Variants in TTC4 observed in about 807,000 individuals in gnomAD.
TTC4 encodes hsp70/Hsp90 co-chaperone CNS1 homolog.
A neutral mutation model predicts 51.9 loss-of-function variants in TTC4; 36 were observed. The observed-to-expected ratio is 0.69, with a 90% CI of 0.53 to 0.92. The LOEUF (loss-of-function observed/expected upper bound fraction) is 0.92, where lower values mean the gene tolerates loss of function less well. Among genes scored for constraint, TTC4 ranks in the 40% least tolerant of loss-of-function variants. The probability of loss-of-function intolerance (pLI) is 0.00; values close to 1 mark genes in which losing one functional copy is unlikely to be tolerated. For missense variants in TTC4, 399 were observed against 454.6 expected (o/e 0.88, Z 1.11); for synonymous variants, 144 against 164.2 (o/e 0.88, Z 0.94).
At chr1:54,733,060 C>G (rs766976944) in intron 7 of TTC4, among the ~76,000 whole-genome samples, 1 of 151,342 alleles carries the variant, frequency 6.6e-6, no homozygotes, top group Non-Finnish European at 1.5e-5. Flanking sequence ...GTACTCCACA[C>G]TCCAGCCTTG....
In TTC4 at chr1:54,722,715, C is replaced by A. The variant is rs1450089129; in HGVS notation, c.510C>A (p.Ala170=). 1.9e-6 allele frequency: 3 copies of A among 1,613,766 alleles called. No homozygotes were observed. Among genetic ancestry groups the A allele is most frequent in the East Asian group, 4.5e-5 (2 of 44,864 alleles). The change falls in exon 5 of 10, where the codon GCC becomes GCA. Residue 170 remains alanine (A), a synonymous_variant. Transcript: ENST00000371281. ...TGGAACTGAAACACTTTGCCGAGGC[C>A]GTGAACTGGTGTGATGAGGGACTGC... ...CHLELKHFAE[A]VNWCDEGLQI... is the part of the protein sequence containing the mutation.
intron 5 of TTC4, among the ~76,000 whole-genome samples, chr1:54,724,957 C>T (rs1045652138): frequency 3.9e-5 from 6 of 152,192 alleles, no homozygotes; most frequent in Non-Finnish European, 7.3e-5. Context: ...GTAAGAACAG[C>T]AAGCTTTGTG....
intron 9 of TTC4, among the ~76,000 whole-genome samples, chr1:54,738,660 C>CTTTTTTTTT (rs1645976237): frequency 7.7e-6 from 1 of 130,066 alleles, no homozygotes; most frequent in South Asian, 2.8e-4. Context: ...GCTAGGATGG[C>CTTTTTTTTT]CTTTTTTTTT....
At chr1:54,722,856 C>A in intron 5 of TTC4, 57 bp downstream of exon 5, 1 of 1,591,698 alleles carries the variant, frequency 6.3e-7, no homozygotes, top group Non-Finnish European at 8.5e-7. Context: ...TTAGCATTCC[C>A]AAGATTGTGT....
At chr1:54,716,170 G>T (rs76010054) in intron 1 of TTC4, 151 bp downstream of exon 1, 18,945 of 664,876 alleles carry the variant, frequency 0.028, 1,019 homozygotes, top group East Asian at 0.14. Context: ...CGGCCTCGAG[G>T]TTTTGAGTCG....
chr1:54,717,736 A>T (rs1645693545), intron 3 of TTC4, 83 bp downstream of exon 3: 1 of 1,280,650 alleles, frequency 7.8e-7, no homozygotes. Context: ...ACATCAGAGG[A>T]TGAGGGGCTG....
intron 3 of TTC4, 60 bp from the exon 4 acceptor site, chr1:54,721,103 A>C: frequency 6.5e-7 from 1 of 1,534,722 alleles, no homozygotes; most frequent in South Asian, 1.1e-5. Context: ...ACTACATATA[A>C]AATTTTGGAA....
chr1:54,733,590 G>A (rs761352774), intron 7 of TTC4, 39 bp from the exon 8 acceptor site: 14 of 1,490,564 alleles, frequency 9.4e-6, no homozygotes, highest in African/African-American at 1.4e-5. Flanking sequence ...AATAGATCAT[G>A]AGTTATTGAT....
intron 9 of TTC4, among the ~76,000 whole-genome samples, chr1:54,740,364 G>A (rs567316904): frequency 6.6e-6 from 1 of 152,198 alleles, no homozygotes; most frequent in South Asian, 2.1e-4. Flanking sequence ...GGAAGGAAAG[G>A]TTTTTCCAGA....
At chr1:54,725,157 A>C (rs1327286455) in intron 5 of TTC4, among the ~76,000 whole-genome samples, 1 of 152,182 alleles carries the variant, frequency 6.6e-6, no homozygotes, top group Non-Finnish European at 1.5e-5. Flanking sequence ...GATCCCTGGA[A>C]GACCCCGCTC....
At chr1:54,730,699 T>C (rs1645854698) in intron 6 of TTC4, among the ~76,000 whole-genome samples, 1 of 152,172 alleles carries the variant, frequency 6.6e-6, no homozygotes, top group Admixed American at 6.5e-5. Flanking sequence ...AGACCCTTAA[T>C]TTATGCCCAT....
At chr1:54,729,178 G>A (rs1645835991) in intron 6 of TTC4, among the ~76,000 whole-genome samples, 1 of 152,170 alleles carries the variant, frequency 6.6e-6, no homozygotes, top group Non-Finnish European at 1.5e-5. Context: ...GCGTGGATGT[G>A]CTGGCCAAAG....
intron 6 of TTC4, among the ~76,000 whole-genome samples, chr1:54,730,280 CTTT>C (rs746084756): frequency 1.1e-4 from 14 of 133,190 alleles, no homozygotes; most frequent in Admixed American, 2.3e-4. Flanking sequence ...TGCATAAATC[CTTT>C]TTTTTTTTTT....
intron 8 of TTC4, among the ~76,000 whole-genome samples, chr1:54,735,589 T>C (rs1167708262): frequency 6.6e-6 from 1 of 152,180 alleles, no homozygotes; most frequent in Non-Finnish European, 1.5e-5. Context: ...TATCAGATGG[T>C]ACATAATCTC....
chr1:54,716,092 C>T (rs939511636), intron 1 of TTC4, 73 bp downstream of exon 1: 3 of 1,199,198 alleles, frequency 2.5e-6, no homozygotes, highest in African/African-American at 1.5e-5. Flanking sequence ...GGCTCTGGGG[C>T]ACCTCCTTCA....
At chr1:54,732,327 A>T (rs1234336753) in intron 7 of TTC4, among the ~76,000 whole-genome samples, 7 of 144,692 alleles carry the variant, frequency 4.8e-5, no homozygotes, top group Non-Finnish European at 6.0e-5. Flanking sequence ...TCTCAAAAAA[A>T]AAAAAAAATA....
chr1:54,733,733 C>A, intron 8 of TTC4, 23 bp downstream of exon 8: 1 of 1,386,364 alleles, frequency 7.2e-7, no homozygotes, highest in South Asian at 1.3e-5. Flanking sequence ...TTATTTCGTT[C>A]CTCTATGGAA....
intron 5 of TTC4, among the ~76,000 whole-genome samples, chr1:54,725,957 A>G (rs1645794006): frequency 6.6e-6 from 1 of 151,718 alleles, no homozygotes; most frequent in Non-Finnish European, 1.5e-5. Flanking sequence ...AATAAGGATG[A>G]AGAGAGACTT....
rs1221360161 is a variant in TTC4, at chr1:54,732,004, A to G, written c.896+304A>G. ...AATAGGAAGTCATTTTAGGTAATAC[A>G]TGCATAGCAATTTAAGTGAATATTA... is the stretch of plus-strand genomic sequence containing the variant. On this transcript the variant is annotated intron_variant, in intron 7 of 9. Transcript: ENST00000371281. Among the ~76,000 whole-genome samples, 6 of 152,132 alleles carry G rather than the reference A, an allele frequency of 3.9e-5. No individual in the cohort carries two copies. In the East Asian group the frequency reaches 9.6e-4, roughly 24 times the overall value.
Sources: gnomAD v4.1 joint callset for allele counts (sites outside exome capture counted in the v4.1 genomes callset) on GRCh38, gnomAD v4.1.1 for gene constraint, MANE v1.5 for transcripts, NCBI Gene and HGNC (gene_info 2026-07-23, HGNC 2026-07-21) for gene names.